SPATA2L: variants seen among roughly 807,000 people sequenced by gnomAD.
SPATA2L encodes spermatogenesis associated 2 like, also known as spermatogenesis-associated protein 2-like protein.
SPATA2L carries 5 observed loss-of-function variants against 8.7 expected under a neutral mutation model. The ratio of observed to expected loss-of-function variants is 0.57; its 90% CI spans 0.30 to 1.21. The LOEUF is 1.21. Among genes scored for constraint, SPATA2L ranks in the 50% most tolerant of loss-of-function variants. The pLI is 0.07. For synonymous variants in SPATA2L, 358 were observed against 275.8 expected (o/e 1.30, Z -2.95); for missense variants, 671 against 591.0 (o/e 1.14, Z -1.40).
At position 89,698,279 on chromosome 16, in the gene SPATA2L, C is replaced by T; in HGVS notation, c.330G>A (p.Val110=). 6.3e-7 allele frequency: 1 copy of T among 1,581,612 alleles called. No individual in the cohort carries two copies. Among genetic ancestry groups the T allele is most frequent in the Non-Finnish European group, 8.6e-7 (1 of 1,161,274 alleles). Residue 110 remains valine, a synonymous_variant, in exon 3 of 3, where the codon GTG becomes GTA. Transcript: ENST00000289805. ...IKTFSGGYVH[V]LKGVLSDDLL... ...GGTCGTCTGAGAGCACACCCTTCAGCACGTGCACGTAGCCCCCAGAGAAGG... is the reference window on the plus strand; with the variant it reads ...GGTCGTCTGAGAGCACACCCTTCAGTACGTGCACGTAGCCCCCAGAGAAGG...
chr16:89,696,475 G>C lies in SPATA2L; in HGVS notation c.*859C>G. On this transcript the variant is annotated 3_prime_UTR_variant, in exon 3 of 3. Transcript: ENST00000289805. ...TCAGCTTCCAGGGTCAGGGAGTTGT[G>C]GGCCCAGAGGGGCTGTCACAGTGGA... 5.9e-6 allele frequency: 2 copies of C among 336,692 alleles called. No individual in the cohort carries two copies. The highest frequency in any genetic ancestry group is 1.1e-5 in the Non-Finnish European group (2 of 182,866). The allele number at this position is 336,692 out of a possible 1,614,324, so 20.9% of individuals were successfully genotyped here.
Position 89,701,100 on chromosome 16 carries a change from G to T in SPATA2L, c.133C>A (p.Leu45Met). The stretch of plus-strand genomic sequence containing the variant: ...GCGTCGTCCTGCAGCGCCCCGTGCA[G>T]GTCGAAGTCCTCCACCAGGATCTGC... ...LWQILVEDFD[L>M]HGALQDDALA... Residue 45 changes from leucine to methionine, a missense_variant, in exon 2 of 3, where the codon CTG becomes ATG. Transcript: ENST00000289805. 1 of 1,564,572 alleles carries T rather than the reference G, an allele frequency of 6.4e-7. No individual in the cohort carries two copies. Among genetic ancestry groups the T allele is most frequent in the Non-Finnish European group, 8.6e-7 (1 of 1,161,354 alleles).
chr16:89,697,518 C>G lies in SPATA2L; in HGVS notation c.1091G>C (p.Gly364Ala), dbSNP rs760459302. The G allele has an allele frequency of 3.1e-6, 5 of 1,595,204 alleles. No homozygotes were observed. Among genetic ancestry groups the G allele is most frequent in the Non-Finnish European group, 3.4e-6 (4 of 1,171,704 alleles). The part of the protein sequence containing the change: ...GYQAHSCLSP[G>A]ALPTLCCDTC... ...GTCGCAGCAGAGGGTGGGCAGGGCGCCAGGGGACAGGCAGCTGTGTGCCTG... is the reference window on the plus strand; with the variant it reads ...GTCGCAGCAGAGGGTGGGCAGGGCGGCAGGGGACAGGCAGCTGTGTGCCTG... Residue 364 changes from glycine to alanine, a missense_variant, in exon 3 of 3, where the codon GGC (glycine) becomes GCC (alanine). By Grantham distance (60) the Gly-to-Ala change is moderately conservative (BLOSUM62 0). Transcript: ENST00000289805.
Position 89,697,693 on chromosome 16 carries a change from C to A in SPATA2L, c.916G>T (p.Ala306Ser). ...CGGCGCAGAGAGAGGAAGGAGAAGG[C>A]GGAAGGTTCAGGTTCCAGCCCCTCC... ...LEEGLEPEPS[A>S]FSFLSLRREL... Residue 306 changes from alanine to serine, a missense_variant, in exon 3 of 3, where the codon GCC becomes TCC. Coordinates refer to ENST00000289805, the MANE Select transcript of SPATA2L (RefSeq NM_152339.4). 2 of 1,612,140 alleles carry A rather than the reference C, an allele frequency of 1.2e-6. No homozygotes were observed. Among genetic ancestry groups the A allele is most frequent in the Non-Finnish European group, 1.7e-6 (2 of 1,179,684 alleles).
Position 89,697,901 on chromosome 16 carries a change from C to T in SPATA2L, c.708G>A (p.Gly236=), listed in dbSNP as rs1346198363. The T allele has an allele frequency of 1.9e-6, 3 of 1,611,592 alleles. No individual in the cohort carries two copies. The highest frequency in any genetic ancestry group is 2.5e-6 in the Non-Finnish European group (3 of 1,179,618). The change falls in exon 3 of 3, where the codon GGG becomes GGA. Residue 236 remains glycine, a synonymous_variant. Transcript: ENST00000289805. ...CCCCATACAGGCTGGCGTCCTCCGACCCCTCGTCTTCCTGCAAGTCCCGGT... is the reference window on the plus strand; with the variant it reads ...CCCCATACAGGCTGGCGTCCTCCGATCCCTCGTCTTCCTGCAAGTCCCGGT... ...DLYRDLQEDE[G]SEDASLYGEP... is the part of the protein sequence containing the mutation.
At position 89,701,083 on chromosome 16, in the gene SPATA2L, C is replaced by T. The variant is rs558312501; in HGVS notation, c.150G>A (p.Gln50=). 3.2e-6 allele frequency: 5 copies of T among 1,570,230 alleles called. No individual in the cohort carries two copies. The South Asian group carries it at 3.5e-5, about 11-fold the overall frequency. Reference sequence around the variant, plus strand: ...CGGTGAGCAGAGCCAGCGCGTCGTCCTGCAGCGCCCCGTGCAGGTCGAAGT... The same window carrying T: ...CGGTGAGCAGAGCCAGCGCGTCGTCTTGCAGCGCCCCGTGCAGGTCGAAGT... ...VEDFDLHGAL[Q]DDALALLTDG... Residue 50 remains glutamine, a synonymous_variant, in exon 2 of 3, where the codon CAG becomes CAA. Transcript: ENST00000289805.
At chr16:89,700,283 C>A (rs1405945487) in intron 2 of SPATA2L, among the ~76,000 whole-genome samples, 1 of 152,242 alleles carries the variant, frequency 6.6e-6, no homozygotes, top group Admixed American at 6.5e-5. Context: ...CCCGGGGAGC[C>A]GCGGAGAGAC....
At position 89,700,995 on chromosome 16, in the gene SPATA2L, G is replaced by A; in HGVS notation, c.238C>T (p.Leu80Phe). The change falls in exon 2 of 3, where the codon CTT becomes TTT. Residue 80 changes from leucine to phenylalanine, a missense_variant. Leu to Phe is a conservative substitution (Grantham distance 22). Transcript: ENST00000289805. ...ALRGLARAFELLELAAVHLYL... is the reference protein window; with the variant it reads ...ALRGLARAFEFLELAAVHLYL... ...AGGTGCACCGCGGCGAGCTCCAGAA[G>A]CTCGAAGGCGCGAGCCAGGCCGCGT... 1 of 1,565,154 alleles carries A rather than the reference G, an allele frequency of 6.4e-7. No individual in the cohort carries two copies. The highest frequency in any genetic ancestry group is 8.6e-7 in the Non-Finnish European group (1 of 1,157,678).
At position 89,700,924 on chromosome 16, in the gene SPATA2L, G is replaced by C. The variant is rs2060771862; in HGVS notation, c.303+6C>G. On this transcript the variant is annotated splice_donor_region_variant and intron_variant, in intron 2 of 2. Coordinates refer to ENST00000289805, the MANE Select transcript of SPATA2L (RefSeq NM_152339.4). ...AGGGGCGCGCTCCTCCTGGCCTGGC[G>C]CCTACCTTGATGGTGGTGAACTCCT... 2 of 1,449,340 alleles carry C rather than the reference G, an allele frequency of 1.4e-6. No individual in the cohort carries two copies. The highest frequency in any genetic ancestry group is 3.0e-5 in the African/African-American group (2 of 67,658). 89.8% of individuals were successfully genotyped at this position (1,449,340 alleles called of 1,614,324 possible). A position where few individuals can be genotyped will look rare whatever the true frequency, so the allele number is the denominator to read the frequency against.
intron 2 of SPATA2L, among the ~76,000 whole-genome samples, chr16:89,698,633 C>T (rs2060754595): frequency 6.6e-6 from 1 of 151,212 alleles, no homozygotes; most frequent in Non-Finnish European, 1.5e-5. Flanking sequence ...ACTACAGGCG[C>T]CCACCACCAC....
chr16:89,697,121 G>T lies in SPATA2L; in HGVS notation c.*213C>A. On this transcript the variant is annotated 3_prime_UTR_variant, in exon 3 of 3. Transcript: ENST00000289805. The stretch of plus-strand genomic sequence containing the variant: ...TCCGAGGGTGGGGAAATGTGGAAAG[G>T]CTCCTGCTGGCCGGCTTAGGCCTGC... The T allele has an allele frequency of 7.3e-7, 1 of 1,377,830 alleles. No individual in the cohort carries two copies. Among genetic ancestry groups the T allele is most frequent in the Non-Finnish European group, 9.4e-7 (1 of 1,067,936 alleles). 85.4% of individuals were successfully genotyped at this position (1,377,830 alleles called of 1,614,324 possible). A position where few individuals can be genotyped will look rare whatever the true frequency, so the allele number is the denominator to read the frequency against.
rs755856893 is a variant in SPATA2L at position 89,700,978 on chromosome 16, C to T, written c.255G>A (p.Ala85=). 14 of 1,554,580 alleles carry T rather than the reference C, an allele frequency of 9.0e-6. No homozygotes were observed. The Admixed American group carries it at 2.5e-4, about 27-fold the overall frequency. ...TCCAGGGCAGCAGGTACAGGTGCAC[C>T]GCGGCGAGCTCCAGAAGCTCGAAGG... is the stretch of plus-strand genomic sequence containing the variant. The part of the protein sequence containing the change: ...ARAFELLELA[A]VHLYLLPWRK... Residue 85 remains alanine, a synonymous_variant, in exon 2 of 3, where the codon GCG becomes GCA. Coordinates refer to ENST00000289805, the MANE Select transcript of SPATA2L (RefSeq NM_152339.4).
chr16:89,696,899 C>T lies in SPATA2L; in HGVS notation c.*435G>A. 5.2e-6 allele frequency: 8 copies of T among 1,532,786 alleles called. No homozygotes were observed. Among genetic ancestry groups the T allele is most frequent in the Non-Finnish European group, 6.1e-6 (7 of 1,144,802 alleles). The allele number at this position is 1,532,786 out of a possible 1,614,324, so 94.9% of individuals were successfully genotyped here. ...GGGGGAGCTCGGTGTCACCAACAGG[C>T]CCTTGAGGACACTCGTGTGGAGAAT... is the stretch of plus-strand genomic sequence containing the variant. On this transcript the variant is annotated 3_prime_UTR_variant, in exon 3 of 3. Coordinates refer to ENST00000289805, the MANE Select transcript of SPATA2L (RefSeq NM_152339.4).
At position 89,696,919 on chromosome 16, in the gene SPATA2L, G is replaced by C; in HGVS notation, c.*415C>G. The C allele has an allele frequency of 1.3e-6, 2 of 1,525,792 alleles. No individual in the cohort carries two copies. The highest frequency in any genetic ancestry group is 1.8e-6 in the Non-Finnish European group (2 of 1,139,644). The allele number at this position is 1,525,792 out of a possible 1,614,324, so 94.5% of individuals were successfully genotyped here. ...ACAGGCCCTTGAGGACACTCGTGTG[G>C]AGAATCCCTGGGACACGTGGAGGAC... On this transcript the variant is annotated 3_prime_UTR_variant, in exon 3 of 3. Transcript: ENST00000289805.
Position 89,698,176 on chromosome 16 carries a change from C to CG in SPATA2L, c.432dup (p.Ala145ArgfsTer19). 1 of 1,611,438 alleles carries CG rather than the reference C, an allele frequency of 6.2e-7. No individual in the cohort carries two copies. The highest frequency in any genetic ancestry group is 8.5e-7 in the Non-Finnish European group (1 of 1,179,352). ...AGGGCCACCTGCACCAGCTGGCAGG[C>CG]GGGGGGCAGGGCGGTCACCATGAGC... On this transcript the variant is annotated frameshift_variant, in exon 3 of 3. Transcript: ENST00000289805. LOFTEE classifies it low-confidence loss of function (END_TRUNC).
chr16:89,696,865 C>T lies in SPATA2L; in HGVS notation c.*469G>A, dbSNP rs1052421210. ...GCCCCGCAGATTGGCTCCAGCAGAGCTTGGGGTGGGGGGAGCTCGGTGTCA... is the reference window on the plus strand; with the variant it reads ...GCCCCGCAGATTGGCTCCAGCAGAGTTTGGGGTGGGGGGAGCTCGGTGTCA... On this transcript the variant is annotated 3_prime_UTR_variant, in exon 3 of 3. Transcript: ENST00000289805. The T allele has an allele frequency of 2.6e-6, 4 of 1,535,000 alleles. No homozygotes were observed. The Admixed American group carries it at 5.9e-5, about 23-fold the overall frequency.
rs1392275135 is a variant in SPATA2L at position 89,697,695 on chromosome 16, G to A, written c.914C>T (p.Ser305Phe). ...GCGCAGAGAGAGGAAGGAGAAGGCGGAAGGTTCAGGTTCCAGCCCCTCCTC... is the reference window on the plus strand; with the variant it reads ...GCGCAGAGAGAGGAAGGAGAAGGCGAAAGGTTCAGGTTCCAGCCCCTCCTC... ...ALEEGLEPEP[S>F]AFSFLSLRRE... The change falls in exon 3 of 3, where the codon TCC becomes TTC. Residue 305 changes from serine (S) to phenylalanine (F), a missense_variant. By Grantham distance (155) the Ser-to-Phe change is radical. Transcript: ENST00000289805. 1.5e-5 allele frequency: 24 copies of A among 1,612,148 alleles called. No homozygotes were observed. Among genetic ancestry groups the A allele is most frequent in the African/African-American group, 1.2e-4 (9 of 74,922 alleles).
intron 1 of SPATA2L, 53 bp from the exon 2 acceptor site, chr16:89,701,286 G>A (rs2060774405): frequency 1.5e-6 from 2 of 1,346,552 alleles, no homozygotes; most frequent in East Asian, 6.1e-5. Context: ...CGCCCAGCCC[G>A]CCGCGCTCTC....
rs781104384 is a variant in SPATA2L, at chr16:89,697,341, C to T, written c.1268G>A (p.Arg423Gln). ...ACCTGGGGCCCAGCTGGCCTAGGGC[C>T]GGGCCCCGGGGCTGTTGTAGAGCAG... is the stretch of plus-strand genomic sequence containing the variant. ...DTLLYNSPGA[R>Q]P Residue 423 changes from arginine (R) to glutamine (Q), a missense_variant, in exon 3 of 3, where the codon CGG (arginine) becomes CAG (glutamine). Physicochemically the swap from Arg to Gln is conservative, Grantham distance 43. Coordinates refer to ENST00000289805, the MANE Select transcript of SPATA2L (RefSeq NM_152339.4). The T allele has an allele frequency of 2.2e-5, 34 of 1,512,206 alleles. No individual in the cohort carries two copies. The highest frequency in any genetic ancestry group is 1.9e-4 in the South Asian group (14 of 74,444). The allele number at this position is 1,512,206 out of a possible 1,614,324, so 93.7% of individuals were successfully genotyped here.
Sources: gnomAD v4.1 joint callset for allele counts (sites outside exome capture counted in the v4.1 genomes callset) on GRCh38, gnomAD v4.1.1 for gene constraint, MANE v1.5 for transcripts, NCBI Gene and HGNC (gene_info 2026-07-23, HGNC 2026-07-21) for gene names.